GYG1: variants seen among roughly 807,000 people sequenced by gnomAD.
GYG1 encodes the protein glycogenin-1.
GYG1 carries 44 observed loss-of-function variants against 41.9 expected under a neutral mutation model. The ratio of observed to expected loss-of-function variants is 1.05; its 90% CI spans 0.83 to 1.35. The LOEUF (loss-of-function observed/expected upper bound fraction) is 1.35, where lower values mean the gene tolerates loss of function less well. Ranked by LOEUF, GYG1 falls within the 40% of genes most tolerant of loss-of-function variation. GYG1 has a pLI of 0.00. For synonymous variants in GYG1, 141 were observed against 158.1 expected, an observed-to-expected ratio of 0.89 and a Z score of 0.81; for missense variants, 429 against 418.9, an observed-to-expected ratio of 1.02 and a Z score of -0.21.
Position 149,027,017 on chromosome 3 carries a change from CTG to C in GYG1, c.*86_*87del, listed in dbSNP as rs1559845726. 2 of 1,403,378 alleles carry C rather than the reference CTG, an allele frequency of 1.4e-6. No individual in the cohort carries two copies. Among genetic ancestry groups the C allele is most frequent in the Non-Finnish European group, 2.0e-6 (2 of 988,432 alleles). 86.9% of individuals were successfully genotyped at this position (1,403,378 alleles called of 1,614,324 possible). A position where few individuals can be genotyped will look rare whatever the true frequency, so the allele number is the denominator to read the frequency against. On this transcript the variant is annotated 3_prime_UTR_variant, in exon 8 of 8. Coordinates refer to ENST00000345003, the MANE Select transcript of GYG1 (RefSeq NM_004130.4). The stretch of plus-strand genomic sequence containing the variant: ...TATCTAGAGCTGGGTTGAGAAAAGT[CTG>C]TTACAGTTGCTAGAGGTTTTCATTA...
At chr3:149,007,329 G>A (rs1330950502) in intron 4 of GYG1, among the ~76,000 whole-genome samples, 4 of 152,192 alleles carry the variant, frequency 2.6e-5, no homozygotes, top group African/African-American at 7.2e-5. Flanking sequence ...TGAGTCCATT[G>A]CATTTTTATA....
rs954138266 is a variant in GYG1 at position 149,029,091 on chromosome 3, A to T, written c.*2158A>T. Among the ~76,000 whole-genome samples, 1 of 152,216 alleles carries T rather than the reference A, an allele frequency of 6.6e-6. No homozygotes were observed. Among genetic ancestry groups the T allele is most frequent in the Non-Finnish European group, 1.5e-5 (1 of 68,046 alleles). Reference sequence around the variant, plus strand: ...TCAGAAAGAATGACAAGCTTACCATAAGACATAGCATATAATGCTGTCAAG... The same window carrying T: ...TCAGAAAGAATGACAAGCTTACCATTAGACATAGCATATAATGCTGTCAAG... On this transcript the variant is annotated 3_prime_UTR_variant, in exon 8 of 8. Coordinates refer to ENST00000345003, the MANE Select transcript of GYG1 (RefSeq NM_004130.4).
At chr3:149,004,075 G>A (rs1334243558) in intron 4 of GYG1, 1 of 152,182 alleles carries the variant, frequency 6.6e-6, no homozygotes, top group Non-Finnish European at 1.5e-5. Flanking sequence ...TTTGCATTTG[G>A]GCAGCCGGGT....
In GYG1 at chr3:149,031,007, G is replaced by C. The variant is rs1714974552; in HGVS notation, c.*4074G>C. 6.6e-6 allele frequency: 1 copy of C among 152,116 alleles called. No individual in the cohort carries two copies. The highest frequency in any genetic ancestry group is 1.5e-5 in the Non-Finnish European group (1 of 68,028). 9.4% of individuals were successfully genotyped at this position (152,116 alleles called of 1,614,324 possible). On this transcript the variant is annotated 3_prime_UTR_variant, in exon 8 of 8. Coordinates refer to ENST00000345003, the MANE Select transcript of GYG1 (RefSeq NM_004130.4). ...AACATGAAGCTTCTCTTGTTTGTTA[G>C]AGTAATTAATCTTTCTTTGGATTAA... is the stretch of plus-strand genomic sequence containing the variant.
intron 4 of GYG1, 54 bp downstream of exon 4, chr3:148,996,958 G>A (rs1559834817): frequency 7.6e-7 from 1 of 1,310,012 alleles, no homozygotes; most frequent in South Asian, 1.2e-5. Context: ...ATTTCTAGGG[G>A]CTGCTCTTCT....
chr3:149,024,166 C>T lies in GYG1; in HGVS notation c.722C>T (p.Thr241Ile). The change falls in exon 6 of 8, where the codon ACT (threonine) becomes ATT (isoleucine). Residue 241 changes from threonine to isoleucine, a missense_variant. Transcript: ENST00000345003. ...AGTGAGGCCCATGATCCCAACATGA[C>T]TCATCCAGAGTTTCTCATCCTGTGG... is the stretch of plus-strand genomic sequence containing the variant. ...VKSEAHDPNM[T>I]HPEFLILWWN... 1 of 1,613,214 alleles carries T rather than the reference C, an allele frequency of 6.2e-7. No individual in the cohort carries two copies. Among genetic ancestry groups the T allele is most frequent in the Non-Finnish European group, 8.5e-7 (1 of 1,179,156 alleles).
chr3:148,994,719 A>G (rs1287032555), intron 2 of GYG1, among the ~76,000 whole-genome samples: 1 of 152,220 alleles, frequency 6.6e-6, no homozygotes, highest in African/African-American at 2.4e-5. Context: ...TAGTTATTTT[A>G]TCCATTGCCA....
At position 149,027,112 on chromosome 3, in the gene GYG1, A is replaced by G. The variant is rs1046814867; in HGVS notation, c.*179A>G. 7 of 625,456 alleles carry G rather than the reference A, an allele frequency of 1.1e-5. No individual in the cohort carries two copies. Among genetic ancestry groups the G allele is most frequent in the South Asian group, 2.0e-5 (1 of 50,730 alleles). The allele number at this position is 625,456 out of a possible 1,614,324, so 38.7% of individuals were successfully genotyped here. ...ACTGGGCAAAAGTTGTGAAGCAGCA[A>G]TTCTGTTATATGGACAGTGTTCTGC... is the stretch of plus-strand genomic sequence containing the variant. On this transcript the variant is annotated 3_prime_UTR_variant, in exon 8 of 8. Transcript: ENST00000345003.
At position 149,031,038 on chromosome 3, in the gene GYG1, C is replaced by T. The variant is rs1017457795; in HGVS notation, c.*4105C>T. ...TTAATCTTTCTTTGGATTAAAGTTTCCCTTTGAAATAAAACCACCTACCTA... is the reference window on the plus strand; with the variant it reads ...TTAATCTTTCTTTGGATTAAAGTTTTCCTTTGAAATAAAACCACCTACCTA... On this transcript the variant is annotated 3_prime_UTR_variant, in exon 8 of 8. Transcript: ENST00000345003. 2.6e-5 allele frequency: 4 copies of T among 152,048 alleles called. No homozygotes were observed. The highest frequency in any genetic ancestry group is 2.6e-4 in the Admixed American group (4 of 15,256). 9.4% of individuals were successfully genotyped at this position (152,048 alleles called of 1,614,324 possible). A position where few individuals can be genotyped will look rare whatever the true frequency, so the allele number is the denominator to read the frequency against.
At chr3:149,012,701 CAGAATT>C (rs1559840407) in intron 5 of GYG1, among the ~76,000 whole-genome samples, 1 of 151,364 alleles carries the variant, frequency 6.6e-6, no homozygotes, top group Non-Finnish European at 1.5e-5. Context: ...TATAAAAAAA[CAGAATT>C]AGTATTTTTT....
Position 149,026,839 on chromosome 3 carries a change from A to C in GYG1, c.959A>C (p.Glu320Ala), listed in dbSNP as rs1270370151. Reference protein sequence around the residue: ...AMAQPFVSSEERKERWEQGQA... With the variant: ...AMAQPFVSSEARKERWEQGQA... Reference sequence around the variant, plus strand: ...GCACAGCCGTTTGTATCCTCGGAAGAACGGAAGGAACGATGGGAACAGGGC... The same window carrying C: ...GCACAGCCGTTTGTATCCTCGGAAGCACGGAAGGAACGATGGGAACAGGGC... Residue 320 changes from glutamate (E) to alanine (A), a missense_variant, in exon 8 of 8, where the codon GAA (glutamate) becomes GCA (alanine). Physicochemically the swap from Glu to Ala is moderately radical, Grantham distance 107 (BLOSUM62 -1). Transcript: ENST00000345003. 13 of 1,613,898 alleles carry C rather than the reference A, an allele frequency of 8.1e-6. No individual in the cohort carries two copies. Among genetic ancestry groups the C allele is most frequent in the Non-Finnish European group, 1.1e-5 (13 of 1,179,900 alleles).
intron 5 of GYG1, among the ~76,000 whole-genome samples, chr3:149,023,352 A>G (rs1714472147): frequency 6.6e-6 from 1 of 152,220 alleles, no homozygotes; most frequent in Non-Finnish European, 1.5e-5. Flanking sequence ...AATCTAATAC[A>G]GACATTTGGG....
At chr3:149,013,032 T>TGTGC (rs61477065) in intron 5 of GYG1, among the ~76,000 whole-genome samples, 37 of 150,944 alleles carry the variant, frequency 2.5e-4, no homozygotes, top group African/African-American at 8.3e-4. Flanking sequence ...TGTGTGTGTG[T>TGTGC]TTTATAGAGA....
intron 4 of GYG1, among the ~76,000 whole-genome samples, chr3:149,005,202 C>A (rs1008522200): frequency 2.0e-5 from 3 of 151,656 alleles, no homozygotes; most frequent in African/African-American, 7.3e-5. Context: ...TAGTATACTT[C>A]ATAATAAAAA....
intron 5 of GYG1, among the ~76,000 whole-genome samples, chr3:149,020,467 C>G (rs1559843284): frequency 6.6e-6 from 1 of 152,256 alleles, no homozygotes. Context: ...CCTTGTCACT[C>G]ACCAGCCATG....
intron 4 of GYG1, among the ~76,000 whole-genome samples, chr3:149,001,811 A>G (rs1176029771): frequency 6.6e-6 from 1 of 152,138 alleles, no homozygotes; most frequent in Non-Finnish European, 1.5e-5. Context: ...TTCCATTCCC[A>G]ATTCTCTCAT....
Position 149,028,753 on chromosome 3 carries a change from A to T in GYG1, c.*1820A>T, listed in dbSNP as rs572099137. 2.9e-5 allele frequency among the ~76,000 whole-genome samples: 4 copies of T among 138,458 alleles called. No homozygotes were observed. The highest frequency in any genetic ancestry group is 1.1e-4 in the African/African-American group (4 of 36,016). 90.8% of individuals were successfully genotyped at this position (138,458 alleles called of 152,430 possible). On this transcript the variant is annotated 3_prime_UTR_variant, in exon 8 of 8. Coordinates refer to ENST00000345003, the MANE Select transcript of GYG1 (RefSeq NM_004130.4). The stretch of plus-strand genomic sequence containing the variant: ...TCTTGAGGCAGAGTCTTGCTCTGTC[A>T]GTCAGTCACCAGGCTGGAGTGCAGT...
At chr3:149,010,368 C>T (rs1297021915) in intron 5 of GYG1, among the ~76,000 whole-genome samples, 1 of 142,074 alleles carries the variant, frequency 7.0e-6, no homozygotes, top group Non-Finnish European at 1.5e-5. Context: ...CACTTTGTTG[C>T]CCAGGCTGGA....
chr3:149,022,820 A>G (rs1389441410), intron 5 of GYG1, among the ~76,000 whole-genome samples: 1 of 152,102 alleles, frequency 6.6e-6, no homozygotes, highest in Non-Finnish European at 1.5e-5. Flanking sequence ...AAGTGGAATC[A>G]TATATATGTA....
Sources: gnomAD v4.1 joint callset for allele counts (sites outside exome capture counted in the v4.1 genomes callset) on GRCh38, gnomAD v4.1.1 for gene constraint, MANE v1.5 for transcripts, NCBI Gene and HGNC (gene_info 2026-07-23, HGNC 2026-07-21) for gene names.